The following GORASP2 variants were observed in gnomAD, a reference collection of about 807,000 sequenced individuals.
GORASP2 encodes the protein Golgi reassembly-stacking protein 2.
A neutral mutation model predicts 45.7 loss-of-function variants in GORASP2; 22 were observed. That is an observed-to-expected ratio of 0.48 (90% CI 0.34 to 0.69). The LOEUF (loss-of-function observed/expected upper bound fraction) is 0.69, where lower values mean the gene tolerates loss of function less well. GORASP2 is among the 30% of genes least tolerant of loss of function. GORASP2 has a pLI of 0.01. For synonymous variants in GORASP2, 221 were observed against 215.6 expected, an observed-to-expected ratio of 1.02 and a Z score of -0.22; for missense variants, 491 against 562.7, an observed-to-expected ratio of 0.87 and a Z score of 1.29.
intron 4 of GORASP2, among the ~76,000 whole-genome samples, chr2:170,950,759 A>G (rs370588220): frequency 1.7e-4 from 26 of 152,314 alleles, no homozygotes; most frequent in African/African-American, 5.8e-4. Context: ...AGATGGGAGA[A>G]TTACTTGAGC....
intron 7 of GORASP2, among the ~76,000 whole-genome samples, chr2:170,960,915 T>C (rs539560383): frequency 5.1e-4 from 78 of 152,358 alleles, no homozygotes; most frequent in African/African-American, 1.8e-3. Context: ...CTGGAATCTA[T>C]GCTAGATAAA....
intron 1 of GORASP2, among the ~76,000 whole-genome samples, chr2:170,941,482 A>G (rs933038827): frequency 6.6e-6 from 1 of 152,204 alleles, no homozygotes; most frequent in African/African-American, 2.4e-5. Context: ...TTCACAAGCA[A>G]CACACTTAAT....
intron 1 of GORASP2, among the ~76,000 whole-genome samples, chr2:170,939,744 C>A (rs552642776): frequency 6.6e-6 from 1 of 152,144 alleles, no homozygotes; most frequent in Non-Finnish European, 1.5e-5. Flanking sequence ...CTGCAGATAA[C>A]AGGGACTACT....
chr2:170,966,482 A>G lies in GORASP2; in HGVS notation c.*352A>G. 1 of 351,720 alleles carries G rather than the reference A, an allele frequency of 2.8e-6. No homozygotes were observed. Among genetic ancestry groups the G allele is most frequent in the South Asian group, 2.9e-5 (1 of 34,392 alleles). 21.8% of individuals were successfully genotyped at this position (351,720 alleles called of 1,614,324 possible). On this transcript the variant is annotated 3_prime_UTR_variant, in exon 10 of 10. Coordinates refer to ENST00000234160, the MANE Select transcript of GORASP2 (RefSeq NM_015530.5). Reference sequence around the variant, plus strand: ...TCCCCTGCTGCTCCTTCCGTAAGAAAATGAAATATTCTATGCCTAATACTC... The same window carrying G: ...TCCCCTGCTGCTCCTTCCGTAAGAAGATGAAATATTCTATGCCTAATACTC...
chr2:170,961,345 A>G (rs2105328905), intron 7 of GORASP2, among the ~76,000 whole-genome samples: 1 of 152,314 alleles, frequency 6.6e-6, no homozygotes, highest in Admixed American at 6.5e-5. Flanking sequence ...CCCATATACA[A>G]ATTTCTAAGA....
intron 1 of GORASP2, among the ~76,000 whole-genome samples, chr2:170,945,089 A>T (rs1161597457): frequency 6.6e-6 from 1 of 152,182 alleles, no homozygotes; most frequent in Non-Finnish European, 1.5e-5. Context: ...TTTGAGAAGA[A>T]ATATGCTATT....
intron 8 of GORASP2, among the ~76,000 whole-genome samples, chr2:170,962,085 G>C (rs1704575929): frequency 6.6e-6 from 1 of 152,232 alleles, no homozygotes; most frequent in Non-Finnish European, 1.5e-5. Flanking sequence ...CCTTAGTGAG[G>C]ATTTCCTGGC....
At chr2:170,936,612 C>T in intron 1 of GORASP2, 1 of 1,294,338 alleles carries the variant, frequency 7.7e-7, no homozygotes, top group Non-Finnish European at 1.0e-6. Flanking sequence ...GGGTTTTGTT[C>T]TCTCTTTTAA....
At chr2:170,956,699 G>A in intron 7 of GORASP2, 140 bp downstream of exon 7, 1 of 658,166 alleles carries the variant, frequency 1.5e-6, no homozygotes, top group Non-Finnish European at 2.4e-6. Context: ...CTTGAGCTCA[G>A]GAGTTCTAAA....
At chr2:170,950,808 C>G (rs568094079) in intron 4 of GORASP2, among the ~76,000 whole-genome samples, 1 of 152,206 alleles carries the variant, frequency 6.6e-6, no homozygotes, top group South Asian at 2.1e-4. Context: ...ATAGTGAGAC[C>G]TTGTCTCTAC....
intron 1 of GORASP2, among the ~76,000 whole-genome samples, chr2:170,934,919 G>A (rs1176885017): frequency 3.3e-5 from 5 of 151,992 alleles, no homozygotes; most frequent in Non-Finnish European, 5.9e-5. Context: ...TGTATTTTTA[G>A]TAGAGATGGG....
chr2:170,966,865 T>TTA lies in GORASP2; in HGVS notation c.*738_*739dup, dbSNP rs1559318427. On this transcript the variant is annotated 3_prime_UTR_variant, in exon 10 of 10. Coordinates refer to ENST00000234160, the MANE Select transcript of GORASP2 (RefSeq NM_015530.5). ...TGGCACTCTGTGGCTCCTTGTAGTA[T>TTA]TATAGCTATACTGGGAAAGCATAGA... 1.3e-5 allele frequency: 2 copies of TTA among 152,614 alleles called. No homozygotes were observed. Among genetic ancestry groups the TTA allele is most frequent in the African/African-American group, 4.8e-5 (2 of 41,468 alleles). The allele number at this position is 152,614 out of a possible 1,614,324, so 9.5% of individuals were successfully genotyped here. A position where few individuals can be genotyped will look rare whatever the true frequency, so the allele number is the denominator to read the frequency against.
upstream of GORASP2, chr2:170,929,069 T>A (rs372108906): frequency 5.9e-4 from 219 of 368,434 alleles, 2 homozygotes; most frequent in East Asian, 5.6e-3. Context: ...CACGACGCGG[T>A]GCCTCCCAGT....
chr2:170,963,231 C>G (rs1704606073), intron 9 of GORASP2, among the ~76,000 whole-genome samples: 1 of 151,940 alleles, frequency 6.6e-6, no homozygotes, highest in Non-Finnish European at 1.5e-5. Context: ...AAACATTAGC[C>G]AGGCATGGTG....
chr2:170,929,434 C>T, intron 1 of GORASP2, 31 bp downstream of exon 1: 1 of 1,347,178 alleles, frequency 7.4e-7, no homozygotes, highest in Non-Finnish European at 9.6e-7. Context: ...CGGGGAGCTG[C>T]GGGCTGGAGG....
chr2:170,962,255 C>T (rs908420590), intron 8 of GORASP2, among the ~76,000 whole-genome samples: 22 of 152,224 alleles, frequency 1.4e-4, no homozygotes, highest in African/African-American at 4.8e-4. Context: ...ATCAAATATA[C>T]TTTCATTGTG....
intron 8 of GORASP2, among the ~76,000 whole-genome samples, chr2:170,962,384 G>A (rs1278419594): frequency 6.6e-6 from 1 of 152,220 alleles, no homozygotes; most frequent in Non-Finnish European, 1.5e-5. Context: ...GTGGGAATTT[G>A]GGTGAAAGGT....
intron 1 of GORASP2, among the ~76,000 whole-genome samples, chr2:170,946,288 C>G (rs1704181218): frequency 6.6e-6 from 1 of 152,118 alleles, no homozygotes; most frequent in Admixed American, 6.5e-5. Context: ...CAGGCATGAG[C>G]CACTGCACCT....
intron 4 of GORASP2, among the ~76,000 whole-genome samples, chr2:170,950,585 T>G (rs1334527910): frequency 1.8e-4 from 28 of 152,250 alleles, no homozygotes; most frequent in Non-Finnish European, 7.3e-5. Context: ...TTCATTGATT[T>G]CATTTTCTCT....
Sources: allele counts gnomAD v4.1 joint callset (sites outside exome capture counted in the v4.1 genomes callset), GRCh38; gene constraint gnomAD v4.1.1; transcripts MANE v1.5; gene names NCBI Gene and HGNC (gene_info 2026-07-23, HGNC 2026-07-21).